The following ARHGAP42 variants were observed in gnomAD, a reference collection of about 807,000 sequenced individuals.
The protein encoded by ARHGAP42 is Rho GTPase activating protein 42.
In ARHGAP42, 63 loss-of-function variants were observed where a neutral mutation model predicts 125.0. That is an observed-to-expected ratio of 0.50 (90% CI 0.41 to 0.62). ARHGAP42 has a LOEUF of 0.62. ARHGAP42 is among the 20% of genes least tolerant of loss of function. The pLI, the probability that ARHGAP42 is intolerant of heterozygous loss-of-function variation, is 0.00. For missense variants in ARHGAP42, 766 were observed against 1,024.2 expected (o/e 0.75, Z 3.44); for synonymous variants, 339 against 351.0 (o/e 0.97, Z 0.38).
chr11:100,891,506 A>G (rs1468311367), intron 4 of ARHGAP42, among the ~76,000 whole-genome samples: 1 of 144,708 alleles, frequency 6.9e-6, no homozygotes, highest in Non-Finnish European at 1.5e-5. Flanking sequence ...GCAATGGTGC[A>G]ATCTTGGCTT....
chr11:100,871,026 G>C (rs889017617), intron 4 of ARHGAP42, among the ~76,000 whole-genome samples: 1 of 151,086 alleles, frequency 6.6e-6, no homozygotes, highest in Non-Finnish European at 1.5e-5. Context: ...CTTTGGTACT[G>C]TTGTAAATAA....
chr11:100,719,273 T>C (rs1275029801), intron 1 of ARHGAP42, among the ~76,000 whole-genome samples: 1 of 152,214 alleles, frequency 6.6e-6, no homozygotes, highest in South Asian at 2.1e-4. Context: ...AACAACTGAA[T>C]ATTAATTGAT....
intron 4 of ARHGAP42, among the ~76,000 whole-genome samples, chr11:100,909,001 TGTA>T (rs1165756388): frequency 6.6e-6 from 1 of 152,042 alleles, no homozygotes; most frequent in Non-Finnish European, 1.5e-5. Context: ...AGCATTTTTT[TGTA>T]TGTTTGTTAG....
intron 3 of ARHGAP42, among the ~76,000 whole-genome samples, chr11:100,806,898 A>C (rs1864009240): frequency 6.6e-6 from 1 of 151,796 alleles, no homozygotes; most frequent in African/African-American, 2.4e-5. Context: ...CCCAGGCTGG[A>C]GTGCGTTGGC....
chr11:100,903,822 T>A (rs7938783), intron 4 of ARHGAP42, among the ~76,000 whole-genome samples: 1 of 146,956 alleles, frequency 6.8e-6, no homozygotes, highest in African/African-American at 2.5e-5. Flanking sequence ...AGGCTGTCTG[T>A]AAGCTGAGGA....
chr11:100,919,469 C>T (rs779914444), intron 5 of ARHGAP42, among the ~76,000 whole-genome samples: 4 of 151,940 alleles, frequency 2.6e-5, no homozygotes, highest in Non-Finnish European at 5.9e-5. Context: ...TGCATAGTTC[C>T]ATTGACTAGA....
rs1858906266 is a variant in ARHGAP42 at position 100,993,869 on chromosome 11, C to T, written c.*5068C>T. ...CATGTTTATTCCTAATCTAAATTGC[C>T]ACAATATTTTTAATGTATGGTTACA... is the stretch of plus-strand genomic sequence containing the variant. On this transcript the variant is annotated 3_prime_UTR_variant, in exon 24 of 24. Transcript: ENST00000298815. 1 of 166,888 alleles carries T rather than the reference C, an allele frequency of 6.0e-6. No homozygotes were observed. Among genetic ancestry groups the T allele is most frequent in the Non-Finnish European group, 1.5e-5 (1 of 68,090 alleles). 10.3% of individuals were successfully genotyped at this position (166,888 alleles called of 1,614,324 possible).
rs144633378 is a variant in ARHGAP42 at position 100,890,770 on chromosome 11, G to T, written c.385-22682G>T. On this transcript the variant is annotated intron_variant, in intron 4 of 23. Transcript: ENST00000298815. ...AGGGACTAATAGTTAATTAATTTTA[G>T]GTAGGTTTTATTCTCACATAGTCCT... Among the ~76,000 whole-genome samples the T allele has an allele frequency of 1.7e-4, 26 of 152,318 alleles. No homozygotes were observed. In the East Asian group the frequency reaches 4.8e-3, roughly 28 times the overall value.
chr11:100,962,801 A>C (rs1171289049), intron 16 of ARHGAP42, among the ~76,000 whole-genome samples: 4 of 152,154 alleles, frequency 2.6e-5, no homozygotes, highest in African/African-American at 9.7e-5. Flanking sequence ...ACTTGAACCC[A>C]GGAGGCGGAG....
intron 3 of ARHGAP42, among the ~76,000 whole-genome samples, chr11:100,855,330 G>A (rs899372132): frequency 6.6e-6 from 1 of 152,072 alleles, no homozygotes; most frequent in Non-Finnish European, 1.5e-5. Context: ...TTAGTGATGA[G>A]CTGTGACTGG....
intron 6 of ARHGAP42, among the ~76,000 whole-genome samples, chr11:100,922,240 A>G (rs1867296706): frequency 6.6e-6 from 1 of 152,188 alleles, no homozygotes. Flanking sequence ...CCTTCCTCAC[A>G]GGGCTCGGAT....
At position 100,961,541 on chromosome 11, in the gene ARHGAP42, A is replaced by G; in HGVS notation, c.1301-143A>G. The stretch of plus-strand genomic sequence containing the variant: ...CAGCTTTTTATCAATTCACGCAAAC[A>G]ACAGTACTAATGTTAACTCTTGGCA... On this transcript the variant is annotated intron_variant, in intron 14 of 23. Transcript: ENST00000298815. 28 of 645,876 alleles carry G rather than the reference A, an allele frequency of 4.3e-5. 1 individual carries two copies. The South Asian group carries it at 5.9e-4, about 14-fold the overall frequency. 40.0% of individuals were successfully genotyped at this position (645,876 alleles called of 1,614,324 possible). A position where few individuals can be genotyped will look rare whatever the true frequency, so the allele number is the denominator to read the frequency against.
At position 100,776,066 on chromosome 11, in the gene ARHGAP42, G is replaced by A. The variant is rs560642431; in HGVS notation, c.250+5628G>A. On this transcript the variant is annotated intron_variant, in intron 2 of 23. Coordinates refer to ENST00000298815, the MANE Select transcript of ARHGAP42 (RefSeq NM_152432.4). ...CCCAGCTACTTGGGAATCTGAGGCAGGAGAATAGCTTGAACCTGGGAGGGG... is the reference window on the plus strand; with the variant it reads ...CCCAGCTACTTGGGAATCTGAGGCAAGAGAATAGCTTGAACCTGGGAGGGG... Among the ~76,000 whole-genome samples, 153 of 152,198 alleles carry A rather than the reference G, an allele frequency of 1.0e-3. 5 individuals are homozygous for A. The South Asian group carries it at 0.031, about 31-fold the overall frequency.
In ARHGAP42 at chr11:100,961,710, A is replaced by G. The variant is rs767848023; in HGVS notation, c.1327A>G (p.Ile443Val). The change falls in exon 15 of 24, where the codon ATT (isoleucine) becomes GTT (valine). Residue 443 changes from isoleucine (I) to valine (V), a missense_variant. By Grantham distance (29) the Ile-to-Val change is conservative. Around this residue, in one of 3 missense-constraint regions of ARHGAP42, gnomAD observed 455 missense variants for 636.5 expected, o/e 0.71. Transcript: ENST00000298815. ...FSPKSPPDIDIDIELWDNKTI... is the reference protein window; with the variant it reads ...FSPKSPPDIDVDIELWDNKTI... The stretch of plus-strand genomic sequence containing the variant: ...TCCTAAATCCCCTCCTGATATTGAT[A>G]TTGATATTGAACTGTGGGACAATAA... 3.2e-6 allele frequency: 5 copies of G among 1,551,618 alleles called. No individual in the cohort carries two copies. The South Asian group carries it at 6.0e-5, about 18-fold the overall frequency.
chr11:100,839,627 G>T (rs1864896216), intron 3 of ARHGAP42: 1 of 152,192 alleles, frequency 6.6e-6, no homozygotes, highest in Admixed American at 6.5e-5. Flanking sequence ...ATTGGTGGTT[G>T]TTAGATGTGA....
At chr11:100,940,254 T>A (rs954076731) in intron 8 of ARHGAP42, among the ~76,000 whole-genome samples, 1 of 152,230 alleles carries the variant, frequency 6.6e-6, no homozygotes, top group African/African-American at 2.4e-5. Flanking sequence ...CAAGAGGTAC[T>A]TTTTTAAATT....
At chr11:100,884,639 T>G (rs1215623404) in intron 4 of ARHGAP42, among the ~76,000 whole-genome samples, 1 of 152,184 alleles carries the variant, frequency 6.6e-6, no homozygotes, top group African/African-American at 2.4e-5. Context: ...GTGGCACATT[T>G]CCTGATATTT....
Position 100,962,285 on chromosome 11 carries a change from T to C in ARHGAP42, c.1386-124T>C, listed in dbSNP as rs1006103860. The C allele has an allele frequency of 1.0e-5, 8 of 775,188 alleles. No individual in the cohort carries two copies. The African/African-American group carries it at 1.2e-4, about 12-fold the overall frequency. The allele number at this position is 775,188 out of a possible 1,614,324, so 48.0% of individuals were successfully genotyped here. Reference sequence around the variant, plus strand: ...ATCACCCAATTCTTTTATTTACTTATTTATGTGTTATTTTATTTTTAATTG... The same window carrying C: ...ATCACCCAATTCTTTTATTTACTTACTTATGTGTTATTTTATTTTTAATTG... On this transcript the variant is annotated intron_variant, in intron 15 of 23. Coordinates refer to ENST00000298815, the MANE Select transcript of ARHGAP42 (RefSeq NM_152432.4).
At position 100,973,346 on chromosome 11, in the gene ARHGAP42, T is replaced by A; in HGVS notation, c.1710+12T>A. ...AGCACTATGAAAAGGTAGGCGGAAT[T>A]TTCATGTGGAAGTGTCAAGTTTTAT... On this transcript the variant is annotated intron_variant, in intron 18 of 23. Transcript: ENST00000298815. 6.5e-7 allele frequency: 1 copy of A among 1,547,984 alleles called. No individual in the cohort carries two copies. Among genetic ancestry groups the A allele is most frequent in the South Asian group, 1.2e-5 (1 of 82,998 alleles).
Sources: gnomAD v4.1 joint callset for allele counts (sites outside exome capture counted in the v4.1 genomes callset) on GRCh38, gnomAD v4.1.1 for gene constraint, gnomAD v4.1.1 regional missense constraint, MANE v1.5 for transcripts, NCBI Gene and HGNC (gene_info 2026-07-23, HGNC 2026-07-21) for gene names.